The following KLHL1 variants were observed in gnomAD, a reference collection of about 807,000 sequenced individuals.
The protein encoded by KLHL1 is kelch like family member 1, also known as kelch-like protein 1.
A neutral mutation model predicts 77.7 loss-of-function variants in KLHL1; 47 were observed. The observed-to-expected ratio is 0.60, with a 90% CI of 0.48 to 0.77. The LOEUF (loss-of-function observed/expected upper bound fraction) is 0.77, where lower values mean the gene tolerates loss of function less well. KLHL1 is among the 30% of genes least tolerant of loss of function. The pLI is 0.00. For synonymous variants in KLHL1, 360 were observed against 325.2 expected (o/e 1.11, Z -1.15); for missense variants, 925 against 910.8 (o/e 1.02, Z -0.20).
chr13:69,830,385 A>G (rs1171754042), intron 6 of KLHL1, among the ~76,000 whole-genome samples: 1 of 150,272 alleles, frequency 6.7e-6, no homozygotes, highest in Non-Finnish European at 1.5e-5. Context: ...GGACTTGTCC[A>G]CCAGGAAAAT....
At chr13:69,870,824 G>A (rs2138174300) in intron 5 of KLHL1, among the ~76,000 whole-genome samples, 1 of 152,044 alleles carries the variant, frequency 6.6e-6, no homozygotes, top group Admixed American at 6.5e-5. Flanking sequence ...TCCGGCACCT[G>A]GGGCACACTA....
At chr13:69,867,329 C>G (rs184529772) in intron 5 of KLHL1, among the ~76,000 whole-genome samples, 2 of 151,996 alleles carry the variant, frequency 1.3e-5, no homozygotes, top group Admixed American at 1.3e-4. Context: ...TTCCAATAAA[C>G]CCTCTCTTCT....
At chr13:69,803,036 C>T (rs1877460861) in intron 6 of KLHL1, 2 of 152,128 alleles carry the variant, frequency 1.3e-5, no homozygotes, top group South Asian at 4.2e-4. Flanking sequence ...TCTCGACCAG[C>T]CTTAAACAGA....
At chr13:69,848,436 CT>C in intron 5 of KLHL1, among the ~76,000 whole-genome samples, 1 of 151,572 alleles carries the variant, frequency 6.6e-6, no homozygotes, top group East Asian at 1.9e-4. Flanking sequence ...TTTAAAGTCC[CT>C]TTTAGCTTCA....
In KLHL1 at chr13:69,785,100, G is replaced by T. The variant is rs1159793573; in HGVS notation, c.1639+11638C>A. The stretch of plus-strand genomic sequence containing the variant: ...GTAGAGACGGGGTTTCACCATTTTA[G>T]CCGGGATGGTCTCGATCTCCTGACC... On this transcript the variant is annotated intron_variant, in intron 7 of 10. Coordinates refer to ENST00000377844, the MANE Select transcript of KLHL1 (RefSeq NM_020866.3). Among the ~76,000 whole-genome samples the T allele has an allele frequency of 2.6e-5, 4 of 151,390 alleles. No individual in the cohort carries two copies. In the East Asian group the frequency reaches 5.9e-4, roughly 22 times the overall value.
chr13:69,735,170 T>A (rs1351223541), intron 8 of KLHL1, among the ~76,000 whole-genome samples: 3 of 151,870 alleles, frequency 2.0e-5, no homozygotes, highest in Non-Finnish European at 4.4e-5. Context: ...TCATAAAATG[T>A]ATGCTAATTT....
At chr13:69,859,617 T>C (rs1029846854) in intron 5 of KLHL1, among the ~76,000 whole-genome samples, 1 of 152,214 alleles carries the variant, frequency 6.6e-6, no homozygotes, top group Non-Finnish European at 1.5e-5. Flanking sequence ...GAATGAATTA[T>C]TGTATAAAAG....
chr13:69,961,243 T>C, intron 3 of KLHL1, 65 bp downstream of exon 3: 1 of 1,474,696 alleles, frequency 6.8e-7, no homozygotes, highest in Non-Finnish European at 9.3e-7. Flanking sequence ...TTAAATCCTG[T>C]ACTTAAAGGA....
At chr13:70,033,604 CTTTTTTTTTTTTTTTTTTT>C (rs71116981) in intron 1 of KLHL1, among the ~76,000 whole-genome samples, 13 of 47,188 alleles carry the variant, frequency 2.8e-4, no homozygotes, top group African/African-American at 9.6e-4. Flanking sequence ...CCGCAACTGG[CTTTTTTTTTTTTTTTTTTT>C]TTTTTTTTTT....
chr13:69,758,987 G>C (rs78018818), intron 7 of KLHL1, among the ~76,000 whole-genome samples: 311 of 152,146 alleles, frequency 2.0e-3, no homozygotes, highest in African/African-American at 7.1e-3. Flanking sequence ...GGGTGTTCTG[G>C]GTCCCAAGAG....
In KLHL1 at chr13:70,101,330, T is replaced by C. The variant is rs159918; in HGVS notation, c.497+5873A>G. ...ATTCCTATTGCATCTTGTATTTATA[T>C]ATAAGTACATCGTAGTATAAACTAC... On this transcript the variant is annotated intron_variant, in intron 1 of 10. Transcript: ENST00000377844. Among the ~76,000 whole-genome samples, 884 of 152,226 alleles carry C rather than the reference T, an allele frequency of 5.8e-3. 12 individuals carry two copies. The highest frequency in any genetic ancestry group is 0.02 in the African/African-American group (825 of 41,548).
intron 1 of KLHL1, among the ~76,000 whole-genome samples, chr13:69,998,154 C>T (rs139497740): frequency 6.6e-6 from 1 of 152,202 alleles, no homozygotes; most frequent in Non-Finnish European, 1.5e-5. Context: ...CCAATAAGCT[C>T]ACTGGTCTAC....
intron 6 of KLHL1, among the ~76,000 whole-genome samples, chr13:69,805,513 C>T (rs1035786036): frequency 2.2e-4 from 33 of 151,642 alleles, no homozygotes; most frequent in African/African-American, 7.0e-4. Context: ...AAATAAAACA[C>T]TTCTGGAAGT....
chr13:70,077,897 ATT>A (rs1887302128), intron 1 of KLHL1, among the ~76,000 whole-genome samples: 1 of 151,948 alleles, frequency 6.6e-6, no homozygotes, highest in Non-Finnish European at 1.5e-5. Flanking sequence ...TTTCTGTGAT[ATT>A]TACCTTGTTA....
At chr13:70,098,702 T>TCATCAAGAG (rs1887849475) in intron 1 of KLHL1, among the ~76,000 whole-genome samples, 1 of 151,764 alleles carries the variant, frequency 6.6e-6, no homozygotes, top group Admixed American at 6.6e-5. Context: ...TAATGTTTAG[T>TCATCAAGAG]GTAGTGAAAA....
At chr13:70,059,349 T>C (rs934820964) in intron 1 of KLHL1, among the ~76,000 whole-genome samples, 1 of 152,042 alleles carries the variant, frequency 6.6e-6, no homozygotes, top group African/African-American at 2.4e-5. Context: ...TTCAATTTTT[T>C]AGTAGAGATG....
intron 1 of KLHL1, among the ~76,000 whole-genome samples, chr13:70,033,890 C>T (rs1886178485): frequency 6.6e-6 from 1 of 151,986 alleles, no homozygotes; most frequent in Non-Finnish European, 1.5e-5. Flanking sequence ...GGATTACAGG[C>T]GTTAGCCACT....
Position 69,975,785 on chromosome 13 carries a change from T to C in KLHL1, c.515A>G (p.His172Arg), listed in dbSNP as rs777960758. ...CAAATCACTTTGAGGTGTCATTGAATGGCCGGTTGATGACAGCCTATAAAC... is the reference window on the plus strand; with the variant it reads ...CAAATCACTTTGAGGTGTCATTGAACGGCCGGTTGATGACAGCCTATAAAC... ...GCGHRLSSTG[H>R]SMTPQSDLDS... is the part of the protein sequence containing the mutation. The change falls in exon 2 of 11, where the codon CAT becomes CGT. Residue 172 changes from histidine (H) to arginine (R), a missense_variant. His to Arg is a conservative substitution (Grantham distance 29). Coordinates refer to ENST00000377844, the MANE Select transcript of KLHL1 (RefSeq NM_020866.3). 3.7e-6 allele frequency: 6 copies of C among 1,608,868 alleles called. No individual in the cohort carries two copies. The highest frequency in any genetic ancestry group is 3.4e-5 in the Admixed American group (2 of 58,462).
intron 5 of KLHL1, among the ~76,000 whole-genome samples, chr13:69,859,915 A>C (rs941308402): frequency 6.6e-6 from 1 of 152,094 alleles, no homozygotes; most frequent in African/African-American, 2.4e-5. Context: ...TCACCTCAGG[A>C]ATAATAGAAG....
Sources: gnomAD v4.1 joint callset for allele counts (sites outside exome capture counted in the v4.1 genomes callset) on GRCh38, gnomAD v4.1.1 for gene constraint, MANE v1.5 for transcripts, NCBI Gene and HGNC (gene_info 2026-07-23, HGNC 2026-07-21) for gene names.